Variants in APP observed in about 807,000 individuals in gnomAD.
The protein encoded by APP is amyloid beta precursor protein.
A neutral mutation model predicts 101.4 loss-of-function variants in APP; 31 were observed. The observed-to-expected ratio is 0.31, with a 90% CI of 0.23 to 0.41. APP has a LOEUF of 0.41. Among genes scored for constraint, APP ranks in the 10% least tolerant of loss-of-function variants. The pLI is 1.00. For synonymous variants in APP, 366 were observed against 364.4 expected (o/e 1.00, Z -0.05); for missense variants, 839 against 1,003.7 (o/e 0.84, Z 2.22).
intron 1 of APP, among the ~76,000 whole-genome samples, chr21:26,135,269 T>C (rs1265099885): frequency 6.6e-6 from 1 of 152,150 alleles, no homozygotes; most frequent in Non-Finnish European, 1.5e-5. Flanking sequence ...CACCAGACCT[T>C]CTCACTTCGA....
At chr21:25,881,902 T>TCC (rs2037011556) in intron 17 of APP, 131 bp from the exon 18 acceptor site, 6 of 940,364 alleles carry the variant, frequency 6.4e-6, no homozygotes, top group Non-Finnish European at 9.9e-6. Flanking sequence ...CATAATTTTC[T>TCC]CCCCCACTTT....
chr21:26,040,197 T>C (rs2045310910), intron 5 of APP, among the ~76,000 whole-genome samples: 1 of 152,224 alleles, frequency 6.6e-6, no homozygotes. Context: ...TTTTCTACGT[T>C]TGCTGTCATG....
In APP at chr21:26,137,153, G is replaced by A. The variant is rs535739581; in HGVS notation, c.58-25007C>T. On this transcript the variant is annotated intron_variant, in intron 1 of 17. Transcript: ENST00000346798. ...GACAGCATTTGGCCATGTTGCCCAGGCTAACATCAAGTGATCCGCCCACCT... is the reference window on the plus strand; with the variant it reads ...GACAGCATTTGGCCATGTTGCCCAGACTAACATCAAGTGATCCGCCCACCT... Among the ~76,000 whole-genome samples the A allele has an allele frequency of 5.7e-4, 87 of 152,214 alleles. 2 individuals carry two copies. The South Asian group carries it at 0.018, about 31-fold the overall frequency.
chr21:26,051,109 C>A lies in APP; in HGVS notation c.553G>T (p.Val185Leu). The A allele has an allele frequency of 1.2e-6, 2 of 1,614,180 alleles. No homozygotes were observed. The highest frequency in any genetic ancestry group is 1.7e-6 in the Non-Finnish European group (2 of 1,180,040). Residue 185 changes from valine to leucine, a missense_variant, in exon 5 of 18, where the codon GTG becomes TTG. By Grantham distance (32) the Val-to-Leu change is conservative. Transcript: ENST00000346798. ...CTTTCTTCAGCCAGTGGGCAACACA[C>A]AAACTCTACCCCTCGGAACTTGTCA... ...GIDKFRGVEF[V>L]CCPLAEESDN...
At chr21:25,938,884 C>T (rs567166246) in intron 13 of APP, among the ~76,000 whole-genome samples, 1 of 152,238 alleles carries the variant, frequency 6.6e-6, no homozygotes, top group Admixed American at 6.5e-5. Flanking sequence ...TCGTGGATTC[C>T]GAAGCCTCAA....
At chr21:25,889,072 T>C (rs1157057423) in intron 17 of APP, among the ~76,000 whole-genome samples, 1 of 152,232 alleles carries the variant, frequency 6.6e-6, no homozygotes, top group African/African-American at 2.4e-5. Flanking sequence ...GCCTTGCTTT[T>C]ATGCTCAGCA....
At chr21:26,074,493 C>T (rs1252235620) in intron 3 of APP, among the ~76,000 whole-genome samples, 3 of 152,186 alleles carry the variant, frequency 2.0e-5, no homozygotes, top group Non-Finnish European at 2.9e-5. Context: ...TGGTGGCTCA[C>T]GCCTGTAATT....
chr21:26,091,919 C>T (rs1306857372), intron 2 of APP, among the ~76,000 whole-genome samples: 15 of 152,176 alleles, frequency 9.9e-5, no homozygotes. Flanking sequence ...AGCAAGATAA[C>T]ATCCATGGGG....
At chr21:26,066,365 A>G (rs190702024) in intron 3 of APP, among the ~76,000 whole-genome samples, 14 of 152,238 alleles carry the variant, frequency 9.2e-5, no homozygotes, top group Admixed American at 4.6e-4. Flanking sequence ...TTTAGTGTTA[A>G]GTAGATTCAT....
At chr21:25,975,574 A>G (rs2042195216) in intron 10 of APP, among the ~76,000 whole-genome samples, 1 of 152,218 alleles carries the variant, frequency 6.6e-6, no homozygotes, top group Non-Finnish European at 1.5e-5. Flanking sequence ...ACCTCAAGTA[A>G]TTGACCATAA....
intron 13 of APP, among the ~76,000 whole-genome samples, chr21:25,952,378 G>GC (rs35118554): frequency 0.016 from 2,415 of 148,858 alleles, 53 homozygotes; most frequent in African/African-American, 0.055. Context: ...CCTAATGGCT[G>GC]TTTTTTTTTT....
intron 13 of APP, among the ~76,000 whole-genome samples, chr21:25,936,663 G>A (rs111853086): frequency 0.047 from 7,096 of 152,294 alleles, 542 homozygotes; most frequent in African/African-American, 0.16. Flanking sequence ...CTCAGAAACC[G>A]ACCTGCTGGT....
At chr21:25,997,738 T>C (rs1173693348) in intron 7 of APP, among the ~76,000 whole-genome samples, 1 of 152,198 alleles carries the variant, frequency 6.6e-6, no homozygotes, top group Non-Finnish European at 1.5e-5. Context: ...AAAACTCCAT[T>C]TATTTCACTC....
rs1054134592 is a variant in APP, at chr21:26,101,082, CTCTT to C, written c.225+10893_225+10896del. Reference sequence around the variant, plus strand: ...GCTGGAAGAGCCTGTTTCAAGTTATCTCTTTTTTTTTCCTTTTTTTTTTTTTTTT... The same window carrying C: ...GCTGGAAGAGCCTGTTTCAAGTTATCTTTTTTTCCTTTTTTTTTTTTTTTT... On this transcript the variant is annotated intron_variant, in intron 2 of 17. Coordinates refer to ENST00000346798, the MANE Select transcript of APP (RefSeq NM_000484.4). Among the ~76,000 whole-genome samples the C allele has an allele frequency of 7.6e-5, 11 of 144,730 alleles. No homozygotes were observed. In the East Asian group the frequency reaches 8.2e-4, roughly 11 times the overall value. The allele number at this position is 144,730 out of a possible 152,430, so 94.9% of individuals were successfully genotyped here. A position where few individuals can be genotyped will look rare whatever the true frequency, so the allele number is the denominator to read the frequency against.
At chr21:26,046,886 A>C (rs1294093402) in intron 5 of APP, among the ~76,000 whole-genome samples, 1 of 152,142 alleles carries the variant, frequency 6.6e-6, no homozygotes, top group Non-Finnish European at 1.5e-5. Context: ...GAATTTTCCC[A>C]TGGAAAAAAA....
intron 11 of APP, among the ~76,000 whole-genome samples, chr21:25,960,630 G>A (rs908037399): frequency 6.6e-6 from 1 of 152,164 alleles, no homozygotes; most frequent in Non-Finnish European, 1.5e-5. Context: ...AGCAAAGGAG[G>A]CTCTGAGGAC....
chr21:26,041,024 G>T (rs927790475), intron 5 of APP, among the ~76,000 whole-genome samples: 1 of 152,224 alleles, frequency 6.6e-6, no homozygotes, highest in South Asian at 2.1e-4. Context: ...ACTTGGGACA[G>T]ATTTTGTTCA....
intron 5 of APP, among the ~76,000 whole-genome samples, chr21:26,041,452 A>G (rs570419248): frequency 6.6e-5 from 10 of 152,316 alleles, no homozygotes; most frequent in African/African-American, 2.4e-4. Flanking sequence ...GAATTTGTAC[A>G]GTTTAATTAA....
intron 11 of APP, among the ~76,000 whole-genome samples, chr21:25,958,415 T>C (rs1188192523): frequency 6.6e-6 from 1 of 152,174 alleles, no homozygotes; most frequent in African/African-American, 2.4e-5. Flanking sequence ...TAGCTGGGAC[T>C]ACAGGCACGT....
Sources: gnomAD v4.1 joint callset for allele counts (sites outside exome capture counted in the v4.1 genomes callset) on GRCh38, gnomAD v4.1.1 for gene constraint, MANE v1.5 for transcripts, NCBI Gene and HGNC (gene_info 2026-07-23, HGNC 2026-07-21) for gene names.